The following TNFSF4 variants were observed in gnomAD, a reference collection of about 807,000 sequenced individuals.
TNFSF4 encodes TNF superfamily member 4, also known as tumor necrosis factor ligand superfamily member 4.
Under a neutral mutation model 7.3 loss-of-function variants are expected in TNFSF4, and 4 were observed. The ratio of observed to expected loss-of-function variants is 0.55; its 90% CI spans 0.27 to 1.25. The LOEUF (loss-of-function observed/expected upper bound fraction) is 1.25, where lower values mean the gene tolerates loss of function less well. Among genes scored for constraint, TNFSF4 ranks in the 50% most tolerant of loss-of-function variants. The pLI is 0.12. For missense variants in TNFSF4, 181 were observed against 208.8 expected (o/e 0.87, Z 0.82); for synonymous variants, 76 against 83.7 (o/e 0.91, Z 0.50).
the TNFSF4 span, among the ~76,000 whole-genome samples, chr1:173,282,272 A>G: frequency 6.6e-6 from 1 of 152,128 alleles, no homozygotes; most frequent in Non-Finnish European, 1.5e-5. Flanking sequence ...ATCATTACAC[A>G]TTGCATACAT....
chr1:173,338,249 C>A, the TNFSF4 span, among the ~76,000 whole-genome samples: 1 of 152,198 alleles, frequency 6.6e-6, no homozygotes, highest in Non-Finnish European at 1.5e-5. Context: ...TTTGTCCTTA[C>A]TGAAATAGAC....
At chr1:173,438,211 C>T in the TNFSF4 span, among the ~76,000 whole-genome samples, 4 of 152,046 alleles carry the variant, frequency 2.6e-5, no homozygotes, top group Admixed American at 2.6e-4. Context: ...AATTTTGTTT[C>T]AAAAACATTA....
At chr1:173,216,851 T>C in the TNFSF4 span, among the ~76,000 whole-genome samples, 31 of 152,334 alleles carry the variant, frequency 2.0e-4, 1 homozygote, top group Non-Finnish European at 1.3e-4. Flanking sequence ...TCCTTCCTAC[T>C]GTCTGCCATG....
the TNFSF4 span, among the ~76,000 whole-genome samples, chr1:173,441,065 G>A: frequency 3.3e-5 from 5 of 152,112 alleles, no homozygotes; most frequent in Non-Finnish European, 7.4e-5. Context: ...TCTGAGTGCA[G>A]TCAGAGCAGG....
chr1:173,302,977 G>A, the TNFSF4 span, among the ~76,000 whole-genome samples: 1 of 151,808 alleles, frequency 6.6e-6, no homozygotes, highest in Non-Finnish European at 1.5e-5. Flanking sequence ...AGAGGTATAG[G>A]TATTAATTGA....
At chr1:173,282,322 T>G in the TNFSF4 span, among the ~76,000 whole-genome samples, 1 of 152,082 alleles carries the variant, frequency 6.6e-6, no homozygotes, top group South Asian at 2.1e-4. Context: ...TATGTACAAT[T>G]ATTATGTATC....
the TNFSF4 span, among the ~76,000 whole-genome samples, chr1:173,446,197 A>G: frequency 5.9e-5 from 9 of 152,294 alleles, no homozygotes; most frequent in East Asian, 1.9e-4. Flanking sequence ...TATGCTCCAC[A>G]AAGTAAAGAT....
chr1:173,266,034 C>A, the TNFSF4 span, among the ~76,000 whole-genome samples: 1 of 152,124 alleles, frequency 6.6e-6, no homozygotes, highest in African/African-American at 2.4e-5. Flanking sequence ...GGACATATGT[C>A]CTGTCTTCCA....
chr1:173,322,266 GAGAACATGGACACACAGAGGGAAGCGTCT>G, the TNFSF4 span, among the ~76,000 whole-genome samples: 1 of 152,136 alleles, frequency 6.6e-6, no homozygotes, highest in African/African-American at 2.4e-5. Context: ...GTTGAACAAT[GAGAACATGGACACACAGAGGGAAGCGTCT>G]AGGTTTTAAG....
chr1:173,199,860 G>A (rs1404354494), intron 1 of TNFSF4, among the ~76,000 whole-genome samples: 1 of 152,034 alleles, frequency 6.6e-6, no homozygotes, highest in Non-Finnish European at 1.5e-5. Flanking sequence ...AAAAAATGCA[G>A]AGGAAAGTAA....
At chr1:173,274,504 T>G in the TNFSF4 span, among the ~76,000 whole-genome samples, 1 of 152,080 alleles carries the variant, frequency 6.6e-6, no homozygotes, top group Non-Finnish European at 1.5e-5. Context: ...GTAAGCAGAA[T>G]TCTAAGATGT....
chr1:173,211,676 T>G (rs926209574), upstream of TNFSF4, among the ~76,000 whole-genome samples: 1 of 152,176 alleles, frequency 6.6e-6, no homozygotes, highest in Non-Finnish European at 1.5e-5. Context: ...ACGTTACACA[T>G]TCCCCATGAA....
At chr1:173,263,058 A>C in the TNFSF4 span, among the ~76,000 whole-genome samples, 1 of 152,248 alleles carries the variant, frequency 6.6e-6, no homozygotes, top group Non-Finnish European at 1.5e-5. Context: ...AAAGAATAAA[A>C]TACATAGGAA....
the TNFSF4 span, among the ~76,000 whole-genome samples, chr1:173,365,712 A>G: frequency 6.6e-6 from 1 of 152,198 alleles, no homozygotes; most frequent in Non-Finnish European, 1.5e-5. Flanking sequence ...TTAATCATCA[A>G]ACAAGCTAAG....
the TNFSF4 span, among the ~76,000 whole-genome samples, chr1:173,415,002 A>G: frequency 6.6e-6 from 1 of 152,106 alleles, no homozygotes; most frequent in Non-Finnish European, 1.5e-5. Context: ...TCAACATCCA[A>G]TCAAGCTCCT....
chr1:173,273,051 A>G, the TNFSF4 span, among the ~76,000 whole-genome samples: 8 of 152,152 alleles, frequency 5.3e-5, no homozygotes, highest in Non-Finnish European at 1.2e-4. Flanking sequence ...TCTTCTGTGA[A>G]TCATCAGTCT....
the TNFSF4 span, among the ~76,000 whole-genome samples, chr1:173,394,726 G>A: frequency 6.6e-6 from 1 of 152,074 alleles, no homozygotes; most frequent in Admixed American, 6.6e-5. Context: ...CCCTGCTTCT[G>A]AGGTTTTCAG....
chr1:173,234,608 T>G, the TNFSF4 span, among the ~76,000 whole-genome samples: 12 of 152,216 alleles, frequency 7.9e-5, no homozygotes, highest in Admixed American at 5.2e-4. Context: ...TGGAATACTA[T>G]GCAGCCATAA....
At chr1:173,290,235 C>G in the TNFSF4 span, among the ~76,000 whole-genome samples, 2 of 152,106 alleles carry the variant, frequency 1.3e-5, no homozygotes, top group African/African-American at 4.8e-5. Flanking sequence ...CAAATTCTCA[C>G]ACATCAATAT....
Sources: allele counts gnomAD v4.1 joint callset (sites outside exome capture counted in the v4.1 genomes callset), GRCh38; gene constraint gnomAD v4.1.1; transcripts MANE v1.5; gene names NCBI Gene and HGNC (gene_info 2026-07-23, HGNC 2026-07-21).